RELN: variants seen among roughly 807,000 people sequenced by gnomAD.
RELN encodes the protein reelin.
Under a neutral mutation model 427.6 loss-of-function variants are expected in RELN, and 108 were observed. The ratio of observed to expected loss-of-function variants is 0.25; its 90% confidence interval spans 0.22 to 0.30. The LOEUF (loss-of-function observed/expected upper bound fraction) is 0.30, where lower values mean the gene tolerates loss of function less well. Ranked by LOEUF, RELN falls within the 10% of genes least tolerant of loss-of-function variation. RELN has a pLI of 1.00. For missense variants in RELN, 3,715 were observed against 4,302.8 expected (o/e 0.86, Z 3.82); for synonymous variants, 1,524 against 1,513.4 (o/e 1.01, Z -0.16).
chr7:103,855,112 G>C (rs937857566), intron 2 of RELN, among the ~76,000 whole-genome samples: 8 of 152,204 alleles, frequency 5.3e-5, no homozygotes, highest in South Asian at 4.1e-4. Flanking sequence ...AGTATCTGGT[G>C]TACAGACTCT....
chr7:103,917,590 A>G (rs564024922), intron 1 of RELN, among the ~76,000 whole-genome samples: 41 of 152,006 alleles, frequency 2.7e-4, no homozygotes, highest in African/African-American at 9.9e-4. Flanking sequence ...GTGGGAAACA[A>G]CTATACATCA....
intron 1 of RELN, among the ~76,000 whole-genome samples, chr7:103,957,182 G>C (rs1796450413): frequency 7.2e-6 from 1 of 138,698 alleles, no homozygotes; most frequent in Admixed American, 7.2e-5. Context: ...AAAAAGCAGA[G>C]AGTGCTACAC....
Position 103,561,597 on chromosome 7 carries a change from C to T in RELN, c.5464G>A (p.Gly1822Ser), listed in dbSNP as rs752849050. Reference protein sequence around the residue: ...LHPDLWPEVYGAERGNLNGET... With the variant: ...LHPDLWPEVYSAERGNLNGET... ...CCATTCAGATTCCCCCTCTCTGCACCATACACTTCAGGCCAAAGGTCAGGA... is the reference window on the plus strand; with the variant it reads ...CCATTCAGATTCCCCCTCTCTGCACTATACACTTCAGGCCAAAGGTCAGGA... Residue 1822 changes from glycine (G) to serine (S), a missense_variant, in exon 36 of 65, where the codon GGT (glycine) becomes AGT (serine). Gly to Ser is a moderately conservative substitution (Grantham distance 56). Around this residue, in one of 4 missense-constraint regions of RELN, gnomAD observed 2,208 missense variants for 2,361.7 expected, o/e 0.93. Transcript: ENST00000428762. 4.3e-6 allele frequency: 7 copies of T among 1,613,886 alleles called. No individual in the cohort carries two copies. The highest frequency in any genetic ancestry group is 5.9e-6 in the Non-Finnish European group (7 of 1,179,864).
intron 11 of RELN, among the ~76,000 whole-genome samples, chr7:103,669,085 C>A (rs1255702503): frequency 6.6e-6 from 1 of 152,106 alleles, no homozygotes; most frequent in African/African-American, 2.4e-5. Flanking sequence ...ATGATTCAGA[C>A]CGTATAATAA....
At chr7:103,819,798 A>T (rs76922270) in intron 3 of RELN, among the ~76,000 whole-genome samples, 1,786 of 152,210 alleles carry the variant, frequency 0.012, 22 homozygotes, top group South Asian at 0.029. Flanking sequence ...GATCAATCAG[A>T]ATTAAAAATC....
intron 28 of RELN, among the ~76,000 whole-genome samples, chr7:103,586,643 C>T (rs1235722500): frequency 6.6e-6 from 1 of 152,136 alleles, no homozygotes; most frequent in Non-Finnish European, 1.5e-5. Flanking sequence ...ACCCTAAAGA[C>T]CCTTCCAAAA....
intron 1 of RELN, among the ~76,000 whole-genome samples, chr7:103,982,697 C>T (rs1797017209): frequency 6.6e-6 from 1 of 152,098 alleles, no homozygotes; most frequent in South Asian, 2.1e-4. Flanking sequence ...AGAGAGAGGA[C>T]TAAGGTGACC....
intron 1 of RELN, among the ~76,000 whole-genome samples, chr7:103,962,857 A>G (rs1796586733): frequency 6.6e-6 from 1 of 152,366 alleles, no homozygotes; most frequent in Non-Finnish European, 1.5e-5. Flanking sequence ...TTATGAGTTT[A>G]GCTGATAGGA....
At chr7:103,624,167 A>G (rs745309390) in intron 20 of RELN, among the ~76,000 whole-genome samples, 1 of 152,114 alleles carries the variant, frequency 6.6e-6, no homozygotes. Flanking sequence ...ATATACAAAT[A>G]ATTTTTTCTT....
chr7:103,527,376 C>A (rs1382654109), intron 46 of RELN, among the ~76,000 whole-genome samples: 1 of 152,208 alleles, frequency 6.6e-6, no homozygotes, highest in African/African-American at 2.4e-5. Flanking sequence ...GACGATGACG[C>A]CCAGTGACCT....
chr7:103,516,018 A>G (rs1256186276), intron 49 of RELN, among the ~76,000 whole-genome samples: 2 of 152,178 alleles, frequency 1.3e-5, no homozygotes, highest in East Asian at 3.9e-4. Context: ...GTATATATTC[A>G]TAGAAAATGT....
intron 20 of RELN, chr7:103,628,064 ACT>A (rs1182241896): frequency 1.3e-5 from 2 of 152,014 alleles, no homozygotes; most frequent in Non-Finnish European, 2.9e-5. Context: ...TTAGGAAAAA[ACT>A]CTTCTATACA....
At chr7:103,592,139 G>T (rs1831430246) in intron 27 of RELN, among the ~76,000 whole-genome samples, 1 of 151,954 alleles carries the variant, frequency 6.6e-6, no homozygotes, top group Non-Finnish European at 1.5e-5. Flanking sequence ...TTGTCACCCA[G>T]GTAATAAGCA....
intron 6 of RELN, among the ~76,000 whole-genome samples, chr7:103,732,143 T>C (rs1418108954): frequency 2.0e-5 from 3 of 152,082 alleles, no homozygotes; most frequent in Non-Finnish European, 4.4e-5. Flanking sequence ...AGAAAGGAGA[T>C]TGGGACTGAT....
intron 10 of RELN, among the ~76,000 whole-genome samples, chr7:103,688,742 G>C (rs922714806): frequency 2.0e-5 from 3 of 152,070 alleles, no homozygotes; most frequent in African/African-American, 4.8e-5. Context: ...CAGGACTGGA[G>C]ACTTGCCTAG....
intron 46 of RELN, among the ~76,000 whole-genome samples, chr7:103,534,237 G>C (rs1830002265): frequency 6.6e-6 from 1 of 152,174 alleles, no homozygotes; most frequent in South Asian, 2.1e-4. Flanking sequence ...ACACTGGATT[G>C]GTTGCTTTGC....
chr7:103,989,655 C>T lies in RELN; in HGVS notation c.-299G>A. 1 of 298,948 alleles carries T rather than the reference C, an allele frequency of 3.3e-6. No homozygotes were observed. Among genetic ancestry groups the T allele is most frequent in the Non-Finnish European group, 6.0e-6 (1 of 167,010 alleles). The allele number at this position is 298,948 out of a possible 1,614,324, so 18.5% of individuals were successfully genotyped here. ...TCTGCGCGACGCCCCTCGGCCAGGC[C>T]TGGGAAAGCGCCCGCCCCGCTCCAC... On this transcript the variant is annotated 5_prime_UTR_variant, in exon 1 of 65. Coordinates refer to ENST00000428762, the MANE Select transcript of RELN (RefSeq NM_005045.4). The surrounding 1 kb of genome is among the most constrained non-coding windows in gnomAD (Gnocchi z 4.9).
intron 49 of RELN, among the ~76,000 whole-genome samples, chr7:103,517,554 C>T (rs1455012036): frequency 3.9e-5 from 6 of 152,146 alleles, no homozygotes; most frequent in South Asian, 2.1e-4. Context: ...CTTGCACTAA[C>T]GTTATGCTGC....
intron 8 of RELN, among the ~76,000 whole-genome samples, chr7:103,711,918 CA>C (rs1463756321): frequency 2.0e-5 from 3 of 152,162 alleles, no homozygotes; most frequent in Non-Finnish European, 4.4e-5. Context: ...CTTGGCCTCT[CA>C]AAATGCTGGG....
Sources: allele counts gnomAD v4.1 joint callset (sites outside exome capture counted in the v4.1 genomes callset), GRCh38; gene constraint gnomAD v4.1.1; regional missense constraint gnomAD v4.1.1; non-coding constraint Gnocchi (gnomAD v3.1); transcripts MANE v1.5; gene names NCBI Gene and HGNC (gene_info 2026-07-23, HGNC 2026-07-21).